The following TMEM165 variants were observed in gnomAD, a reference collection of about 807,000 sequenced individuals.
The protein encoded by TMEM165 is putative divalent cation/proton antiporter TMEM165.
Under a neutral mutation model 30.0 loss-of-function variants are expected in TMEM165, and 19 were observed. That is an observed-to-expected ratio of 0.63 (90% CI 0.44 to 0.93). The LOEUF is 0.93. TMEM165 is among the 40% of genes least tolerant of loss of function. The probability of loss-of-function intolerance (pLI) is 0.00; values close to 1 mark genes in which losing one functional copy is unlikely to be tolerated. For missense variants in TMEM165, 340 were observed against 417.0 expected, an observed-to-expected ratio of 0.82 and a Z score of 1.61; for synonymous variants, 168 against 162.9, an observed-to-expected ratio of 1.03 and a Z score of -0.24.
chr4:55,451,711 T>C (rs1397253932), intron 3 of TMEM165, among the ~76,000 whole-genome samples: 2 of 152,220 alleles, frequency 1.3e-5, no homozygotes, highest in Admixed American at 6.5e-5. Context: ...TCAGTTTTCA[T>C]AATGGTCCCC....
At chr4:55,396,731 C>T (rs930615063) in intron 1 of TMEM165, among the ~76,000 whole-genome samples, 25 of 152,152 alleles carry the variant, frequency 1.6e-4, no homozygotes, top group Non-Finnish European at 4.4e-5. Flanking sequence ...AAGTTTTTAA[C>T]AGAAGGCTGC....
downstream of TMEM165, chr4:55,428,799 T>A (rs1722343908): frequency 6.6e-6 from 1 of 151,924 alleles, no homozygotes; most frequent in Non-Finnish European, 1.5e-5. Context: ...TTTTTTTTTT[T>A]TTTGCACTGA....
chr4:55,429,604 G>C (rs565528600), downstream of TMEM165: 5 of 152,226 alleles, frequency 3.3e-5, no homozygotes, highest in African/African-American at 1.2e-4. Flanking sequence ...TTTTAATATG[G>C]ATATGATAAT....
At chr4:55,424,053 A>G (rs534654) in intron 4 of TMEM165, 125,469 of 154,444 alleles carry the variant, frequency 0.81, 51,158 homozygotes, top group East Asian at 0.98. Flanking sequence ...TGCTCAGGTA[A>G]CATGTGTTCA....
chr4:55,422,251 C>G (rs1472404490), intron 4 of TMEM165, among the ~76,000 whole-genome samples: 1 of 152,164 alleles, frequency 6.6e-6, no homozygotes, highest in African/African-American at 2.4e-5. Flanking sequence ...TCTGCTTTCT[C>G]TGTAACAGGT....
At chr4:55,434,392 C>T (rs569670465) in intron 3 of TMEM165, 1 of 152,704 alleles carries the variant, frequency 6.5e-6, no homozygotes, top group African/African-American at 2.4e-5. Context: ...CTGAAACATT[C>T]TTGAAATTAC....
chr4:55,443,576 C>A, intron 3 of TMEM165: 1 of 829,986 alleles, frequency 1.2e-6, no homozygotes, highest in Non-Finnish European at 2.0e-6. Context: ...TTTCTAAATA[C>A]TATTAAATTT....
At chr4:55,447,193 C>A (rs894811951) in intron 3 of TMEM165, among the ~76,000 whole-genome samples, 3 of 152,026 alleles carry the variant, frequency 2.0e-5, no homozygotes, top group African/African-American at 7.2e-5. Flanking sequence ...ATGGCAAAAC[C>A]CTGTCTCTAC....
intron 4 of TMEM165, among the ~76,000 whole-genome samples, chr4:55,418,784 C>T (rs1455178740): frequency 1.3e-5 from 2 of 152,090 alleles, no homozygotes; most frequent in African/African-American, 2.4e-5. Context: ...CCGTCCCTCA[C>T]GCCTGTAATC....
Position 55,418,004 on chromosome 4 carries a change from G to A in TMEM165, c.792+19G>A. On this transcript the variant is annotated intron_variant, in intron 4 of 5. Transcript: ENST00000381334. Reference sequence around the variant, plus strand: ...TAGAGAGGTGAGTGATATTTGAGAGGAGACTGTTTAAAATGAAACGTAATT... The same window carrying A: ...TAGAGAGGTGAGTGATATTTGAGAGAAGACTGTTTAAAATGAAACGTAATT... 1 of 1,584,348 alleles carries A rather than the reference G, an allele frequency of 6.3e-7. No individual in the cohort carries two copies.
intron 4 of TMEM165, 56 bp from the exon 5 acceptor site, chr4:55,424,482 C>A: frequency 1.9e-6 from 2 of 1,049,832 alleles, no homozygotes; most frequent in Non-Finnish European, 3.0e-6. Flanking sequence ...TGTTATGGTT[C>A]TCAAGCAGCA....
At chr4:55,420,146 T>TATAGATATA (rs375498267) in intron 4 of TMEM165, among the ~76,000 whole-genome samples, 1 of 41,616 alleles carries the variant, frequency 2.4e-5, no homozygotes, top group Non-Finnish European at 4.2e-5. Flanking sequence ...TATTTATTTA[T>TATAGATATA]TTTATTTATT....
chr4:55,440,563 C>T (rs3805147), intron 3 of TMEM165, among the ~76,000 whole-genome samples: 104,685 of 151,966 alleles, frequency 0.69, 36,322 homozygotes, highest in South Asian at 0.81. Flanking sequence ...CTATTTTATA[C>T]ACTACACAAC....
chr4:55,444,258 C>T (rs988118256), intron 3 of TMEM165, among the ~76,000 whole-genome samples: 1 of 152,080 alleles, frequency 6.6e-6, no homozygotes. Context: ...TCATATAAGA[C>T]TAATTTGAAT....
chr4:55,428,718 T>TA (rs1194370428), downstream of TMEM165: 6 of 151,442 alleles, frequency 4.0e-5, no homozygotes, highest in Admixed American at 2.6e-4. Context: ...CAGAACATTA[T>TA]AAAGAATTTG....
intron 3 of TMEM165, among the ~76,000 whole-genome samples, chr4:55,445,730 A>C (rs1723790915): frequency 6.6e-6 from 1 of 151,172 alleles, no homozygotes; most frequent in African/African-American, 2.4e-5. Flanking sequence ...GGCTGGGACT[A>C]CAGGCATGCA....
intron 3 of TMEM165, among the ~76,000 whole-genome samples, chr4:55,450,890 C>G (rs988897327): frequency 5.9e-5 from 9 of 152,060 alleles, no homozygotes; most frequent in African/African-American, 2.2e-4. Context: ...GTGCCAACTA[C>G]CCAGGAAGCT....
At chr4:55,402,794 G>GTTTTTTTTTTTTTTTTTTT (rs1491276185) in intron 1 of TMEM165, among the ~76,000 whole-genome samples, 2 of 52,520 alleles carry the variant, frequency 3.8e-5, no homozygotes, top group African/African-American at 8.3e-5. Flanking sequence ...TTTAAAAAAA[G>GTTTTTTTTTTTTTTTTTTT]CTTTTTTTTT....
chr4:55,425,531 G>GT lies in TMEM165; in HGVS notation c.*80dup. ...TACATAGTGTACATTACAACTAAAA[G>GT]TGATGGAAAAATACTGTATTTTGTA... On this transcript the variant is annotated 3_prime_UTR_variant, in exon 6 of 6. Transcript: ENST00000381334. The GT allele has an allele frequency of 8.7e-7, 1 of 1,147,854 alleles. No homozygotes were observed. The highest frequency in any genetic ancestry group is 1.4e-5 in the South Asian group (1 of 73,130). 71.1% of individuals were successfully genotyped at this position (1,147,854 alleles called of 1,614,324 possible). A position where few individuals can be genotyped will look rare whatever the true frequency, so the allele number is the denominator to read the frequency against.
Sources: allele counts gnomAD v4.1 joint callset (sites outside exome capture counted in the v4.1 genomes callset), GRCh38; gene constraint gnomAD v4.1.1; transcripts MANE v1.5; gene names NCBI Gene and HGNC (gene_info 2026-07-23, HGNC 2026-07-21).